GRIP2: variants seen among roughly 807,000 people sequenced by gnomAD.
GRIP2 encodes the protein glutamate receptor-interacting protein 2.
GRIP2 carries 58 observed loss-of-function variants against 108.3 expected under a neutral mutation model. That is an observed-to-expected ratio of 0.54 (90% confidence interval 0.43 to 0.67). The LOEUF is 0.67. Ranked by LOEUF, GRIP2 falls within the 30% of genes least tolerant of loss-of-function variation. The probability of loss-of-function intolerance (pLI) is 0.00; values close to 1 mark genes in which losing one functional copy is unlikely to be tolerated. For synonymous variants in GRIP2, 586 were observed against 598.2 expected, an observed-to-expected ratio of 0.98 and a Z score of 0.30; for missense variants, 1,278 against 1,430.6, an observed-to-expected ratio of 0.89 and a Z score of 1.72.
intron 21 of GRIP2, among the ~76,000 whole-genome samples, chr3:14,499,281 C>G (rs1242331436): frequency 6.6e-6 from 1 of 152,182 alleles, no homozygotes; most frequent in Non-Finnish European, 1.5e-5. Context: ...GCATCGACAA[C>G]GCAGAGCGCA....
the GRIP2 span, among the ~76,000 whole-genome samples, chr3:14,602,526 G>C: frequency 1.1e-4 from 17 of 151,800 alleles, no homozygotes; most frequent in African/African-American, 3.9e-4. This position sits in a 1 kb window ranked among gnomAD's most constrained non-coding sequence, Gnocchi z 4.7. Context: ...CTGGCTGGAG[G>C]GAGCAGGTGA....
At chr3:14,545,205 C>A (rs1695039509), upstream of GRIP2, among the ~76,000 whole-genome samples, 2 of 152,224 alleles carry the variant, frequency 1.3e-5, no homozygotes, top group African/African-American at 4.8e-5. Context: ...GGCCTTGTGA[C>A]CAGCATTTTG....
rs933292781 is a variant in GRIP2, at chr3:14,511,107, G to A, written c.1933+58C>T. On this transcript the variant is annotated intron_variant, in intron 16 of 23. Coordinates refer to ENST00000621039, the MANE Select transcript of GRIP2 (RefSeq NM_001080423.4). The surrounding 1 kb of genome is among the most constrained non-coding windows in gnomAD (Gnocchi z 4.1). Reference sequence around the variant, plus strand: ...GAGGGAGCCCTGAATTGCAAGCTGGGAACCCGCTAGTCAAAGGGTGGGCCT... The same window carrying A: ...GAGGGAGCCCTGAATTGCAAGCTGGAAACCCGCTAGTCAAAGGGTGGGCCT... The A allele has an allele frequency of 2.5e-5, 40 of 1,589,644 alleles. No homozygotes were observed. The highest frequency in any genetic ancestry group is 3.0e-5 in the Non-Finnish European group (35 of 1,165,790).
At chr3:14,541,595 A>C (rs1377254286), upstream of GRIP2, among the ~76,000 whole-genome samples, 1 of 152,188 alleles carries the variant, frequency 6.6e-6, no homozygotes, top group Non-Finnish European at 1.5e-5. Context: ...AGAATAATCC[A>C]GGTTCTAAAT....
Position 14,512,869 on chromosome 3 carries a change from T to G in GRIP2, c.1640-12A>C. ...TGGGATGACGGACTCTGGGGGTAGA[T>G]GGACATAAACCGACGTGAGGACCCA... On this transcript the variant is annotated splice_polypyrimidine_tract_variant and intron_variant, in intron 13 of 23. Coordinates refer to ENST00000621039, the MANE Select transcript of GRIP2 (RefSeq NM_001080423.4). This position sits in a 1 kb window ranked among gnomAD's most constrained non-coding sequence, Gnocchi z 5.1. The G allele has an allele frequency of 6.2e-7, 1 of 1,613,434 alleles. No individual in the cohort carries two copies. The highest frequency in any genetic ancestry group is 8.5e-7 in the Non-Finnish European group (1 of 1,179,638).
At chr3:14,556,215 C>A (rs992704448), upstream of GRIP2, 10 of 383,462 alleles carry the variant, frequency 2.6e-5, no homozygotes, top group Middle Eastern at 6.5e-4. Flanking sequence ...CTGCAGCAAA[C>A]CTCCAGCGGG....
chr3:14,576,118 C>T, the GRIP2 span, among the ~76,000 whole-genome samples: 1 of 152,188 alleles, frequency 6.6e-6, no homozygotes, highest in Non-Finnish European at 1.5e-5. Flanking sequence ...GCAGCAGCTC[C>T]AGGAGTCTGG....
At chr3:14,573,249 T>C in the GRIP2 span, 11,566 of 1,408,472 alleles carry the variant, frequency 8.2e-3, 759 homozygotes, top group African/African-American at 0.14. Context: ...GATGCCAAAC[T>C]GGGAGCCAGC....
At chr3:14,499,418 G>A (rs1464282) in intron 21 of GRIP2, among the ~76,000 whole-genome samples, 86,144 of 151,950 alleles carry the variant, frequency 0.57, 25,106 homozygotes, top group South Asian at 0.73. Context: ...TAATAGTGAA[G>A]TCAAAAGAAA....
chr3:14,526,193 CTG>C (rs780095386), intron 1 of GRIP2, among the ~76,000 whole-genome samples: 1 of 152,252 alleles, frequency 6.6e-6, no homozygotes, highest in Non-Finnish European at 1.5e-5. Flanking sequence ...CTGTGGTTCA[CTG>C]TCTCAACAAC....
chr3:14,535,644 G>A (rs1245106889), intron 1 of GRIP2, among the ~76,000 whole-genome samples: 2 of 152,172 alleles, frequency 1.3e-5, no homozygotes, highest in Non-Finnish European at 2.9e-5. Flanking sequence ...CATGATAAAG[G>A]GCAGGGCCAG....
the GRIP2 span, among the ~76,000 whole-genome samples, chr3:14,571,651 T>C: frequency 6.6e-6 from 1 of 152,162 alleles, no homozygotes; most frequent in Non-Finnish European, 1.5e-5. Flanking sequence ...AACCGTCACC[T>C]GGCAGGGGAG....
intron 23 of GRIP2, 45 bp from the exon 24 acceptor site, chr3:14,493,871 T>G: frequency 6.3e-7 from 1 of 1,580,778 alleles, no homozygotes; most frequent in South Asian, 1.1e-5. Context: ...ATGTCAGCCC[T>G]GCTGCGCTGA....
At position 14,554,999 on chromosome 3, in the gene GRIP2, T is replaced by TCCCC. The variant is rs1309800378; in HGVS notation, c.55+897_55+900dup. Among the ~76,000 whole-genome samples, 4 of 152,108 alleles carry TCCCC rather than the reference T, an allele frequency of 2.6e-5. No individual in the cohort carries two copies. In the South Asian group the frequency reaches 8.3e-4, roughly 32 times the overall value. ...GATCGTGAATCCACCACCTCCCTCC[T>TCCCC]CCCCGTGCTGTAGATGGAGACATGG... On this transcript the variant is annotated intron_variant, in intron 1 of 23. Coordinates refer to the GRIP2 transcript ENST00000637182.
chr3:14,525,310 T>C, intron 3 of GRIP2, 127 bp downstream of exon 3: 2 of 1,148,228 alleles, frequency 1.7e-6, no homozygotes, highest in Middle Eastern at 2.7e-4. Context: ...ACCAAGTTGA[T>C]GGGTGCTCCT....
At chr3:14,517,234 C>T (rs1281326648) in intron 10 of GRIP2, 21 bp from the exon 11 acceptor site, 27 of 1,513,502 alleles carry the variant, frequency 1.8e-5, no homozygotes, top group Non-Finnish European at 2.1e-5. Flanking sequence ...GAGAGCACAG[C>T]CCCGTGAACC....
intron 1 of GRIP2, among the ~76,000 whole-genome samples, chr3:14,526,159 C>T (rs4684230): frequency 0.59 from 89,485 of 152,060 alleles, 26,764 homozygotes; most frequent in South Asian, 0.77. Context: ...CACTACACTA[C>T]ATATTGGGAG....
chr3:14,601,512 AT>A, the GRIP2 span, among the ~76,000 whole-genome samples: 15 of 152,158 alleles, frequency 9.9e-5, no homozygotes, highest in African/African-American at 3.6e-4. Context: ...AAGCTGCTCC[AT>A]CCGCACCAAC....
the GRIP2 span, among the ~76,000 whole-genome samples, chr3:14,579,655 C>G: frequency 3.9e-4 from 59 of 151,712 alleles, no homozygotes; most frequent in African/African-American, 1.4e-3. Flanking sequence ...TCAGGCCCAC[C>G]CAGGCTGGCG....
Sources: gnomAD v4.1 joint callset for allele counts (sites outside exome capture counted in the v4.1 genomes callset) on GRCh38, gnomAD v4.1.1 for gene constraint, Gnocchi (gnomAD v3.1) non-coding constraint, MANE v1.5 for transcripts, NCBI Gene and HGNC (gene_info 2026-07-23, HGNC 2026-07-21) for gene names.